ZNF320: variants seen among roughly 807,000 people sequenced by gnomAD.
ZNF320 encodes the protein zinc finger protein 320.
A neutral mutation model predicts 6.8 loss-of-function variants in ZNF320; 2 were observed. The observed-to-expected ratio is 0.29, with a 90% CI of 0.12 to 0.93. The LOEUF (loss-of-function observed/expected upper bound fraction) is 0.93, where lower values mean the gene tolerates loss of function less well. Among genes scored for constraint, ZNF320 ranks in the 40% least tolerant of loss-of-function variants. The pLI is 0.55. For missense variants in ZNF320, 472 were observed against 611.0 expected (o/e 0.77, Z 2.40); for synonymous variants, 208 against 203.2 (o/e 1.02, Z -0.20).
intron 5 of ZNF320, among the ~76,000 whole-genome samples, chr19:52,884,167 T>C (rs2064005803): frequency 6.6e-6 from 1 of 152,222 alleles, no homozygotes; most frequent in Non-Finnish European, 1.5e-5. Flanking sequence ...GGCACCTTGC[T>C]CTTGGATTTC....
chr19:52,896,722 T>TA, intron 1 of ZNF320, among the ~76,000 whole-genome samples: 1 of 152,120 alleles, frequency 6.6e-6, no homozygotes, highest in East Asian at 1.9e-4. Context: ...TAAAAAAGAA[T>TA]AAAAAAGAAA....
At chr19:52,894,642 G>A (rs2064416500) in intron 1 of ZNF320, among the ~76,000 whole-genome samples, 1 of 152,166 alleles carries the variant, frequency 6.6e-6, no homozygotes, top group Non-Finnish European at 1.5e-5. Flanking sequence ...GGGAGGCCGA[G>A]GCAGGTGGAT....
intron 3 of ZNF320, 27 bp from the exon 4 acceptor site, chr19:52,890,355 C>G: frequency 6.7e-7 from 1 of 1,483,678 alleles, no homozygotes; most frequent in Non-Finnish European, 9.2e-7. Flanking sequence ...TGTTGTTTAT[C>G]ACTGAGAATC....
downstream of ZNF320, among the ~76,000 whole-genome samples, chr19:52,871,687 TA>T (rs1423435881): frequency 1.3e-5 from 2 of 152,162 alleles, no homozygotes; most frequent in Non-Finnish European, 2.9e-5. Flanking sequence ...TGCAGGTGTT[TA>T]AAACACTGAA....
intron 4 of ZNF320, among the ~76,000 whole-genome samples, chr19:52,889,176 C>G (rs1425331497): frequency 6.7e-6 from 1 of 149,372 alleles, no homozygotes; most frequent in Non-Finnish European, 1.5e-5. Context: ...GAGTGACACT[C>G]CGTCTCAAAA....
chr19:52,903,703 TG>T, the ZNF320 span, among the ~76,000 whole-genome samples: 6 of 123,100 alleles, frequency 4.9e-5, no homozygotes, highest in African/African-American at 2.2e-4. Context: ...GCCTGAACTA[TG>T]TTTTTTTTTT....
intron 1 of ZNF320, chr19:52,895,171 G>C (rs1460726193): frequency 1.3e-5 from 2 of 152,036 alleles, no homozygotes; most frequent in African/African-American, 4.8e-5. Flanking sequence ...GCGTAAAGAA[G>C]AAAGGTCCTG....
chr19:52,867,906 C>T (rs1290773029), intron 5 of ZNF320, among the ~76,000 whole-genome samples: 1 of 152,108 alleles, frequency 6.6e-6, no homozygotes, highest in East Asian at 1.9e-4. Context: ...GCCACCGCAC[C>T]CGGCCATTTT....
intron 3 of ZNF320, 91 bp from the exon 4 acceptor site, chr19:52,890,419 G>A: frequency 2.8e-6 from 3 of 1,059,620 alleles, no homozygotes; most frequent in Non-Finnish European, 4.0e-6. Context: ...CCTCACCCTG[G>A]GAAATATGGT....
chr19:52,884,321 T>C (rs1256406731), intron 5 of ZNF320, among the ~76,000 whole-genome samples: 5 of 152,134 alleles, frequency 3.3e-5, no homozygotes, highest in Non-Finnish European at 7.4e-5. Context: ...CTACCTCAAC[T>C]GATTCTCCCT....
chr19:52,885,798 C>A (rs1349119598), intron 5 of ZNF320, among the ~76,000 whole-genome samples: 1 of 151,956 alleles, frequency 6.6e-6, no homozygotes, highest in Non-Finnish European at 1.5e-5. Context: ...CCCAGCTACT[C>A]GACAGGCTGA....
At chr19:52,864,314 A>G (rs1000772864) in intron 5 of ZNF320, among the ~76,000 whole-genome samples, 4 of 152,168 alleles carry the variant, frequency 2.6e-5, no homozygotes, top group Non-Finnish European at 4.4e-5. Flanking sequence ...CTATCGTTGC[A>G]TTTTATTGTA....
intron 5 of ZNF320, among the ~76,000 whole-genome samples, chr19:52,869,841 G>C (rs988942564): frequency 8.6e-5 from 13 of 151,842 alleles, no homozygotes; most frequent in African/African-American, 3.1e-4. Flanking sequence ...TCAGCCTCCT[G>C]AGTAGCTGGG....
chr19:52,866,860 C>T (rs369077279), intron 5 of ZNF320, among the ~76,000 whole-genome samples: 217 of 34,948 alleles, frequency 6.2e-3, no homozygotes, highest in African/African-American at 0.021. Flanking sequence ...ACCTGTCTCA[C>T]AAAACATACA....
intron 1 of ZNF320, among the ~76,000 whole-genome samples, chr19:52,897,135 TC>T (rs2064498398): frequency 6.6e-6 from 1 of 152,210 alleles, no homozygotes; most frequent in Non-Finnish European, 1.5e-5. Flanking sequence ...TGGAGTGCTT[TC>T]TTGATTGCAT....
upstream of ZNF320, among the ~76,000 whole-genome samples, chr19:52,899,482 T>A (rs1267492518): frequency 6.6e-6 from 1 of 152,124 alleles, no homozygotes; most frequent in Non-Finnish European, 1.5e-5. Context: ...CTTTTTTTGG[T>A]GATGGAGTCT....
rs777524205 is a variant in ZNF320 at position 52,877,585 on chromosome 19, G to C, written c.*3011C>G. 3.3e-5 allele frequency: 5 copies of C among 152,208 alleles called. No individual in the cohort carries two copies. The highest frequency in any genetic ancestry group is 5.9e-5 in the Non-Finnish European group (4 of 68,050). The allele number at this position is 152,208 out of a possible 1,614,324, so 9.4% of individuals were successfully genotyped here. On this transcript the variant is annotated 3_prime_UTR_variant, in exon 6 of 6. Transcript: ENST00000682928. ...TACATCGCCAGGGTGAAATTCAACA[G>C]AACTATTTTAGGGTGGAGATCTTGA...
At chr19:52,887,160 A>G (rs956998428) in intron 5 of ZNF320, among the ~76,000 whole-genome samples, 16 of 152,074 alleles carry the variant, frequency 1.1e-4, no homozygotes, top group Non-Finnish European at 2.2e-4. Context: ...GTTTCCCCAC[A>G]CACTATTTGA....
rs554555401 is a variant in ZNF320, at chr19:52,867,379, G to C, written c.224-3220C>G. Reference sequence around the variant, plus strand: ...CCCCCAGCTAATATTTGTATTTTTAGTATAGACGGGGTTTCACCATGTTGG... The same window carrying C: ...CCCCCAGCTAATATTTGTATTTTTACTATAGACGGGGTTTCACCATGTTGG... On this transcript the variant is annotated intron_variant, in intron 5 of 5. Coordinates refer to the ZNF320 transcript ENST00000673631. Among the ~76,000 whole-genome samples, 134 of 151,848 alleles carry C rather than the reference G, an allele frequency of 8.8e-4. 1 individual carries two copies. Among genetic ancestry groups the C allele is most frequent in the Non-Finnish European group, 1.5e-3 (105 of 67,962 alleles).
Sources: gnomAD v4.1 joint callset for allele counts (sites outside exome capture counted in the v4.1 genomes callset) on GRCh38, gnomAD v4.1.1 for gene constraint, MANE v1.5 for transcripts, NCBI Gene and HGNC (gene_info 2026-07-23, HGNC 2026-07-21) for gene names.